ELMO1: variants seen among roughly 807,000 people sequenced by gnomAD.
ELMO1 encodes the protein engulfment and cell motility protein 1.
ELMO1 carries 26 observed loss-of-function variants against 98.9 expected under a neutral mutation model. The observed-to-expected ratio is 0.26, with a 90% CI of 0.19 to 0.36. ELMO1 has a LOEUF of 0.36. Ranked by LOEUF, ELMO1 falls within the 10% of genes least tolerant of loss-of-function variation. ELMO1 has a pLI of 1.00. For synonymous variants in ELMO1, 346 were observed against 346.0 expected (o/e 1.00, Z 0.00); for missense variants, 627 against 935.2 (o/e 0.67, Z 4.30).
intron 1 of ELMO1, among the ~76,000 whole-genome samples, chr7:37,440,137 C>G (rs1017774093): frequency 2.0e-5 from 3 of 152,204 alleles, no homozygotes; most frequent in Non-Finnish European, 4.4e-5. Context: ...AACTGAGGCA[C>G]AAGTCCACTA....
intron 4 of ELMO1, among the ~76,000 whole-genome samples, chr7:37,301,271 C>T (rs1187150068): frequency 6.7e-6 from 1 of 148,778 alleles, no homozygotes; most frequent in Non-Finnish European, 1.5e-5. Flanking sequence ...GGAAAAGGGC[C>T]AGAGGAGAAA....
intron 4 of ELMO1, among the ~76,000 whole-genome samples, chr7:37,285,804 GT>G (rs1797365118): frequency 6.6e-6 from 1 of 152,192 alleles, no homozygotes; most frequent in Non-Finnish European, 1.5e-5. Context: ...ACCTGTACGA[GT>G]TGAGCGAACC....
intron 16 of ELMO1, among the ~76,000 whole-genome samples, chr7:36,978,371 G>T (rs893653112): frequency 1.3e-5 from 2 of 151,520 alleles, no homozygotes; most frequent in African/African-American, 4.9e-5. Context: ...ATGTCCAGAT[G>T]TGACAGAGAA....
chr7:36,886,693 A>C (rs568468967), intron 18 of ELMO1, among the ~76,000 whole-genome samples: 1 of 152,340 alleles, frequency 6.6e-6, no homozygotes, highest in South Asian at 2.1e-4. Context: ...TGCAATCAGC[A>C]GCATGTCAAG....
chr7:36,907,687 G>A (rs4723593), intron 16 of ELMO1, among the ~76,000 whole-genome samples: 21,966 of 152,140 alleles, frequency 0.14, 1,758 homozygotes, highest in South Asian at 0.22. Flanking sequence ...TCTCTCACCC[G>A]AATGCAGTCC....
chr7:37,435,904 T>G (rs1274355890), intron 1 of ELMO1, among the ~76,000 whole-genome samples: 1 of 152,206 alleles, frequency 6.6e-6, no homozygotes, highest in Non-Finnish European at 1.5e-5. Flanking sequence ...AGCAAATCAT[T>G]CGCCATCCTT....
At chr7:37,192,858 T>C (rs1423167928) in intron 13 of ELMO1, among the ~76,000 whole-genome samples, 1 of 146,426 alleles carries the variant, frequency 6.8e-6, no homozygotes, top group East Asian at 2.0e-4. Flanking sequence ...TATATTTATA[T>C]ATAGATACAT....
chr7:37,093,540 G>A (rs558065715), intron 15 of ELMO1, among the ~76,000 whole-genome samples: 2 of 152,320 alleles, frequency 1.3e-5, no homozygotes, highest in South Asian at 2.1e-4. Context: ...TACAAACCAA[G>A]TGAAGATAGA....
At chr7:37,228,081 A>G (rs1175600765) in intron 8 of ELMO1, among the ~76,000 whole-genome samples, 1 of 152,146 alleles carries the variant, frequency 6.6e-6, no homozygotes, top group Non-Finnish European at 1.5e-5. Flanking sequence ...TGGTTTTCTG[A>G]AACTTAACTT....
intron 16 of ELMO1, among the ~76,000 whole-genome samples, chr7:37,000,938 T>TACACACACACAC (rs145766627): frequency 0.047 from 6,956 of 147,388 alleles, 491 homozygotes; most frequent in African/African-American, 0.15. Context: ...TATATGTGTA[T>TACACACACACAC]ACACACACAC....
intron 16 of ELMO1, among the ~76,000 whole-genome samples, chr7:36,896,506 C>A (rs998376510): frequency 6.6e-6 from 1 of 152,160 alleles, no homozygotes; most frequent in African/African-American, 2.4e-5. Flanking sequence ...GAAGACATTT[C>A]ATGGGAATGG....
At chr7:37,350,781 G>A (rs1238841695) in intron 1 of ELMO1, among the ~76,000 whole-genome samples, 1 of 152,100 alleles carries the variant, frequency 6.6e-6, no homozygotes, top group African/African-American at 2.4e-5. Context: ...TCTTCAGGCC[G>A]GGCCCTAATA....
chr7:36,966,904 G>A (rs1479493392), intron 16 of ELMO1, among the ~76,000 whole-genome samples: 1 of 152,218 alleles, frequency 6.6e-6, no homozygotes, highest in Non-Finnish European at 1.5e-5. Context: ...GCTCCAAAGA[G>A]GCTGGCTCGC....
chr7:36,941,510 C>T (rs930649911), intron 16 of ELMO1, among the ~76,000 whole-genome samples: 2 of 152,210 alleles, frequency 1.3e-5, no homozygotes, highest in Admixed American at 6.5e-5. Context: ...TTAACATCTA[C>T]AAGTTAAATC....
intron 1 of ELMO1, among the ~76,000 whole-genome samples, chr7:37,432,639 G>C (rs557367583): frequency 6.6e-6 from 1 of 152,174 alleles, no homozygotes. Flanking sequence ...TCAAGGCCAC[G>C]GTGCTCTCAG....
At chr7:37,427,211 G>T (rs1046628973) in intron 1 of ELMO1, among the ~76,000 whole-genome samples, 2 of 152,210 alleles carry the variant, frequency 1.3e-5, no homozygotes, top group African/African-American at 4.8e-5. Flanking sequence ...AAGAAAGAAT[G>T]ACATCAACTT....
At chr7:37,039,078 A>G (rs145800546) in intron 15 of ELMO1, among the ~76,000 whole-genome samples, 68 of 152,336 alleles carry the variant, frequency 4.5e-4, no homozygotes, top group East Asian at 4.2e-3. Context: ...TTTTTCTTGA[A>G]AGAATTAGAA....
intron 14 of ELMO1, among the ~76,000 whole-genome samples, chr7:37,105,728 C>T (rs145337401): frequency 2.0e-4 from 30 of 152,224 alleles, no homozygotes; most frequent in African/African-American, 6.0e-4. Flanking sequence ...TAAAGACATG[C>T]AAAGCAATGA....
intron 13 of ELMO1, among the ~76,000 whole-genome samples, chr7:37,169,067 G>A (rs566775245): frequency 1.2e-4 from 19 of 152,098 alleles, no homozygotes; most frequent in East Asian, 1.9e-4. Context: ...CCCCAGCCTC[G>A]CTGCCGACTT....
Sources: gnomAD v4.1 joint callset for allele counts (sites outside exome capture counted in the v4.1 genomes callset) on GRCh38, gnomAD v4.1.1 for gene constraint, MANE v1.5 for transcripts, NCBI Gene and HGNC (gene_info 2026-07-23, HGNC 2026-07-21) for gene names.